The following TRAF6 variants were observed in gnomAD, a reference collection of about 807,000 sequenced individuals.
The protein encoded by TRAF6 is TNF receptor-associated factor 6.
A neutral mutation model predicts 48.4 loss-of-function variants in TRAF6; 10 were observed. The observed-to-expected ratio is 0.21, with a 90% CI of 0.13 to 0.35. TRAF6 has a LOEUF of 0.35. Ranked by LOEUF, TRAF6 falls within the 10% of genes least tolerant of loss-of-function variation. The pLI is 1.00. For missense variants in TRAF6, 397 were observed against 661.0 expected (o/e 0.60, Z 4.38); for synonymous variants, 186 against 219.6 (o/e 0.85, Z 1.35).
rs1859712914 is a variant in TRAF6 at position 36,501,362 on chromosome 11, C to G, written c.154G>C (p.Glu52Gln). ...AACTCTACATCATATCCCTGGATCT[C>G]CTCCATAAATGAGCTGGAGAGGTTC... ...TGNLSSSFME[E>Q]IQGYDVEFDP... The change falls in exon 2 of 7, where the codon GAG becomes CAG. Residue 52 changes from glutamate (E) to glutamine (Q), a missense_variant. Glu to Gln is a conservative substitution (Grantham distance 29). Coordinates refer to ENST00000526995, the MANE Select transcript of TRAF6 (RefSeq NM_004620.4). 6.2e-7 allele frequency: 1 copy of G among 1,614,156 alleles called. No individual in the cohort carries two copies. Among genetic ancestry groups the G allele is most frequent in the Non-Finnish European group, 8.5e-7 (1 of 1,180,038 alleles).
intron 3 of TRAF6, among the ~76,000 whole-genome samples, chr11:36,497,884 A>ATTT (rs796280710): frequency 7.2e-6 from 1 of 137,960 alleles, no homozygotes; most frequent in Non-Finnish European, 1.6e-5. Flanking sequence ...TGACACTTGT[A>ATTT]TTTTTTTTTT....
chr11:36,504,444 T>C (rs2133678047), intron 1 of TRAF6, among the ~76,000 whole-genome samples: 1 of 152,334 alleles, frequency 6.6e-6, no homozygotes, highest in African/African-American at 2.4e-5. Context: ...CAACTCCTCA[T>C]CTGTTCAAGT....
chr11:36,508,102 CG>C (rs749944135), intron 1 of TRAF6, among the ~76,000 whole-genome samples: 3 of 151,848 alleles, frequency 2.0e-5, no homozygotes, highest in Admixed American at 2.0e-4. Flanking sequence ...CTCAGCCTCC[CG>C]AAGTGCTGGG....
rs935704420 is a variant in TRAF6, at chr11:36,485,224, A to C, written c.*4614T>G. ...CTGAAGAAAAAAAGCAAAAAAAGTA[A>C]CATCTGCGCCTTACCATCTAAAATT... is the stretch of plus-strand genomic sequence containing the variant. On this transcript the variant is annotated 3_prime_UTR_variant, in exon 7 of 7. Transcript: ENST00000526995. 2.0e-5 allele frequency among the ~76,000 whole-genome samples: 3 copies of C among 152,154 alleles called. No individual in the cohort carries two copies. Among genetic ancestry groups the C allele is most frequent in the Non-Finnish European group, 1.5e-5 (1 of 68,038 alleles).
Position 36,501,202 on chromosome 11 carries a change from T to C in TRAF6, c.296+18A>G, listed in dbSNP as rs1396915243. The C allele has an allele frequency of 6.5e-7, 1 of 1,544,982 alleles. No individual in the cohort carries two copies. Among genetic ancestry groups the C allele is most frequent in the Non-Finnish European group, 8.8e-7 (1 of 1,140,606 alleles). On this transcript the variant is annotated intron_variant, in intron 2 of 6. Transcript: ENST00000526995. ...CTGGTTCTGTTATAGGACACCATTT[T>C]TTCTTATGCTCACGTACCTTATTGA... is the stretch of plus-strand genomic sequence containing the variant.
intron 5 of TRAF6, among the ~76,000 whole-genome samples, chr11:36,494,162 C>T (rs1417999654): frequency 1.3e-5 from 2 of 151,890 alleles, no homozygotes; most frequent in Non-Finnish European, 2.9e-5. Flanking sequence ...CTCAGGAGTT[C>T]GAGACCAGTC....
At position 36,489,047 on chromosome 11, in the gene TRAF6, G is replaced by A. The variant is rs1240616903; in HGVS notation, c.*791C>T. 1 of 152,134 alleles carries A rather than the reference G, an allele frequency of 6.6e-6. No individual in the cohort carries two copies. The highest frequency in any genetic ancestry group is 6.5e-5 in the Admixed American group (1 of 15,278). 9.4% of individuals were successfully genotyped at this position (152,134 alleles called of 1,614,324 possible). On this transcript the variant is annotated 3_prime_UTR_variant, in exon 7 of 7. Transcript: ENST00000526995. ...AGAGCTGTGAAATTCACTCTGCACT[G>A]AATAGACAAAAAGGGTTACATAGCA...
At chr11:36,504,993 G>A (rs1206268215) in intron 1 of TRAF6, among the ~76,000 whole-genome samples, 4 of 152,160 alleles carry the variant, frequency 2.6e-5, no homozygotes, top group Non-Finnish European at 5.9e-5. Flanking sequence ...AGTAAACTAC[G>A]CTGTAAACAG....
Position 36,501,383 on chromosome 11 carries a change from G to A in TRAF6, c.133C>T (p.Leu45Phe), listed in dbSNP as rs759449231. The change falls in exon 2 of 7, where the codon CTC (leucine) becomes TTC (phenylalanine). Residue 45 changes from leucine (L) to phenylalanine (F), a missense_variant. Physicochemically the swap from Leu to Phe is conservative, Grantham distance 22. Transcript: ENST00000526995. ...SVGGTASTGN[L>F]SSSFMEEIQG... The stretch of plus-strand genomic sequence containing the variant: ...ATCTCCTCCATAAATGAGCTGGAGA[G>A]GTTCCCCGTGCTGGCAGTTCCACCC... 6.2e-7 allele frequency: 1 copy of A among 1,614,138 alleles called. No homozygotes were observed. The highest frequency in any genetic ancestry group is 8.5e-7 in the Non-Finnish European group (1 of 1,180,018).
At chr11:36,491,152 ATTT>A (rs5030474) in intron 6 of TRAF6, among the ~76,000 whole-genome samples, 1 of 151,676 alleles carries the variant, frequency 6.6e-6, no homozygotes, top group Non-Finnish European at 1.5e-5. Context: ...TATTAATACC[ATTT>A]TTTTTAAAGT....
intron 1 of TRAF6, among the ~76,000 whole-genome samples, chr11:36,503,756 A>G (rs1387965788): frequency 1.3e-5 from 2 of 152,284 alleles, no homozygotes; most frequent in East Asian, 3.9e-4. Flanking sequence ...AAAATACGGT[A>G]TAGGGCCCCC....
chr11:36,507,908 T>C (rs1859829117), intron 1 of TRAF6, among the ~76,000 whole-genome samples: 1 of 149,164 alleles, frequency 6.7e-6, no homozygotes, highest in Non-Finnish European at 1.5e-5. Flanking sequence ...CAGGCTGGAG[T>C]GCAGTGGCAC....
Position 36,485,705 on chromosome 11 carries a change from T to C in TRAF6, c.*4133A>G, listed in dbSNP as rs189418893. On this transcript the variant is annotated 3_prime_UTR_variant, in exon 7 of 7. Coordinates refer to ENST00000526995, the MANE Select transcript of TRAF6 (RefSeq NM_004620.4). Reference sequence around the variant, plus strand: ...AAATATTACACACACAAGTGACATTTAGTGAAACAACCAGGCACCTCCTTG... The same window carrying C: ...AAATATTACACACACAAGTGACATTCAGTGAAACAACCAGGCACCTCCTTG... Among the ~76,000 whole-genome samples, 419 of 152,264 alleles carry C rather than the reference T, an allele frequency of 2.8e-3. 1 individual carries two copies. The highest frequency in any genetic ancestry group is 4.4e-3 in the Non-Finnish European group (301 of 68,016).
At position 36,497,143 on chromosome 11, in the gene TRAF6, T is replaced by A. The variant is rs1215343595; in HGVS notation, c.571A>T (p.Asn191Tyr). The A allele has an allele frequency of 6.2e-7, 1 of 1,613,868 alleles. No individual in the cohort carries two copies. The highest frequency in any genetic ancestry group is 8.5e-7 in the Non-Finnish European group (1 of 1,179,938). Residue 191 changes from asparagine to tyrosine, a missense_variant, in exon 4 of 7, where the codon AAC becomes TAC. Asn to Tyr is a moderately radical substitution (Grantham distance 143, BLOSUM62 -2). Coordinates refer to ENST00000526995, the MANE Select transcript of TRAF6 (RefSeq NM_004620.4). ...TCAAATGCCATTGATGCAGCACAGT[T>A]GTCACAAGAAACCTGTCTCCTTGGA... Reference protein sequence around the residue: ...DCPRRQVSCDNCAASMAFEDK... With the variant: ...DCPRRQVSCDYCAASMAFEDK...
intron 1 of TRAF6, among the ~76,000 whole-genome samples, chr11:36,508,764 C>T (rs1859846201): frequency 6.6e-6 from 1 of 152,170 alleles, no homozygotes; most frequent in Non-Finnish European, 1.5e-5. Context: ...CTGCAAAATA[C>T]TCAACTGTTG....
intron 1 of TRAF6, among the ~76,000 whole-genome samples, chr11:36,509,184 G>C (rs922009733): frequency 1.1e-4 from 17 of 152,214 alleles, no homozygotes; most frequent in African/African-American, 4.1e-4. Context: ...CATGGAACCT[G>C]TGTAACAAGA....
In TRAF6 at chr11:36,485,596, C is replaced by T. The variant is rs1202239668; in HGVS notation, c.*4242G>A. The stretch of plus-strand genomic sequence containing the variant: ...TGAGAGAAGAAAAGCAGCACCACAT[C>T]TCTCATTTCCTAAAATGCTTTTCCC... On this transcript the variant is annotated 3_prime_UTR_variant, in exon 7 of 7. Transcript: ENST00000526995. 6.6e-6 allele frequency among the ~76,000 whole-genome samples: 1 copy of T among 152,156 alleles called. No homozygotes were observed. Among genetic ancestry groups the T allele is most frequent in the Non-Finnish European group, 1.5e-5 (1 of 68,036 alleles).
chr11:36,500,776 A>T (rs1859705082), intron 2 of TRAF6, among the ~76,000 whole-genome samples: 1 of 152,146 alleles, frequency 6.6e-6, no homozygotes, highest in Non-Finnish European at 1.5e-5. Flanking sequence ...GTAATTTTAC[A>T]GTTGACCATA....
intron 5 of TRAF6, 22 bp downstream of exon 5, chr11:36,494,954 A>C: frequency 6.6e-7 from 1 of 1,509,278 alleles, no homozygotes; most frequent in South Asian, 1.2e-5. Context: ...TGAAAATAAT[A>C]ATTTATGAAA....
Sources: allele counts gnomAD v4.1 joint callset (sites outside exome capture counted in the v4.1 genomes callset), GRCh38; gene constraint gnomAD v4.1.1; transcripts MANE v1.5; gene names NCBI Gene and HGNC (gene_info 2026-07-23, HGNC 2026-07-21).